GRM8: variants seen among roughly 807,000 people sequenced by gnomAD.
The protein encoded by GRM8 is glutamate metabotropic receptor 8.
In GRM8, 47 loss-of-function variants were observed where a neutral mutation model predicts 87.2. The ratio of observed to expected loss-of-function variants is 0.54; its 90% CI spans 0.43 to 0.69. The LOEUF is 0.69. Ranked by LOEUF, GRM8 falls within the 30% of genes least tolerant of loss-of-function variation. GRM8 has a pLI of 0.00. For synonymous variants in GRM8, 396 were observed against 404.5 expected (o/e 0.98, Z 0.25); for missense variants, 1,019 against 1,139.2 (o/e 0.89, Z 1.52).
At chr7:126,753,065 A>G (rs966281864) in intron 7 of GRM8, among the ~76,000 whole-genome samples, 31 of 152,172 alleles carry the variant, frequency 2.0e-4, no homozygotes, top group African/African-American at 7.2e-4. Context: ...ATGCAGATTT[A>G]GCAATTTTAA....
Position 126,829,549 on chromosome 7 carries a change from T to G in GRM8, c.1157-59484A>C, listed in dbSNP as rs1465033408. ...CCCCTGCCTTTTTTTGTTTTCCATT[T>G]GCTTGGTAGATCTTCCTCCATCCTT... On this transcript the variant is annotated intron_variant, in intron 6 of 10. Coordinates refer to ENST00000339582, the MANE Select transcript of GRM8 (RefSeq NM_000845.3). Among the ~76,000 whole-genome samples the G allele has an allele frequency of 5.3e-5, 8 of 150,246 alleles. No homozygotes were observed. In the South Asian group the frequency reaches 8.7e-4, roughly 16 times the overall value.
intron 8 of GRM8, among the ~76,000 whole-genome samples, chr7:126,608,285 C>A (rs1035954823): frequency 2.0e-5 from 3 of 152,102 alleles, no homozygotes; most frequent in Non-Finnish European, 2.9e-5. Context: ...GACCTCTGCC[C>A]TAAGAGAGCT....
At chr7:127,216,692 T>C (rs1796576069) in intron 2 of GRM8, among the ~76,000 whole-genome samples, 1 of 152,206 alleles carries the variant, frequency 6.6e-6, no homozygotes, top group South Asian at 2.1e-4. Context: ...AAGGAGGTCC[T>C]CCCAGATGTG....
chr7:127,063,196 T>C (rs972608168), intron 3 of GRM8, among the ~76,000 whole-genome samples: 5 of 151,838 alleles, frequency 3.3e-5, no homozygotes, highest in Admixed American at 6.6e-5. Flanking sequence ...GAGCTTGCAG[T>C]GAGCCGAGAT....
At chr7:126,871,289 T>C (rs1201445964) in intron 6 of GRM8, among the ~76,000 whole-genome samples, 2 of 152,212 alleles carry the variant, frequency 1.3e-5, no homozygotes, top group Non-Finnish European at 2.9e-5. Context: ...ATTATACTCA[T>C]TGTTCTGTGT....
intron 3 of GRM8, among the ~76,000 whole-genome samples, chr7:126,912,482 C>T (rs1684526526): frequency 6.6e-6 from 1 of 152,214 alleles, no homozygotes; most frequent in Admixed American, 6.5e-5. Flanking sequence ...TAAAACTTTT[C>T]ATCCTCCATA....
At chr7:126,956,637 C>G (rs1337815662) in intron 3 of GRM8, among the ~76,000 whole-genome samples, 1 of 152,184 alleles carries the variant, frequency 6.6e-6, no homozygotes, top group Non-Finnish European at 1.5e-5. Context: ...CCTCCCCTCT[C>G]CCCCTTAAAA....
intron 6 of GRM8, among the ~76,000 whole-genome samples, chr7:126,835,242 A>T (rs577684236): frequency 2.9e-4 from 44 of 152,202 alleles, no homozygotes; most frequent in Non-Finnish European, 4.0e-4. Flanking sequence ...AATAAAAATG[A>T]ATGTCTTCAT....
intron 6 of GRM8, among the ~76,000 whole-genome samples, chr7:126,817,045 C>A (rs1793854285): frequency 1.3e-5 from 2 of 152,020 alleles, no homozygotes; most frequent in South Asian, 4.1e-4. Context: ...TATCTAATAT[C>A]AATTTCTCAT....
chr7:126,693,416 A>T (rs754977628), intron 7 of GRM8, among the ~76,000 whole-genome samples: 4 of 152,242 alleles, frequency 2.6e-5, no homozygotes. Context: ...GTAATGAATT[A>T]GCATTCTTCT....
intron 7 of GRM8, among the ~76,000 whole-genome samples, chr7:126,763,951 G>C (rs921463419): frequency 1.3e-5 from 2 of 151,464 alleles, no homozygotes; most frequent in Admixed American, 6.6e-5. Context: ...CTTCAAACAG[G>C]TTCAATTTAT....
chr7:126,798,477 C>A (rs765895297), intron 6 of GRM8, among the ~76,000 whole-genome samples: 1 of 152,074 alleles, frequency 6.6e-6, no homozygotes, highest in Admixed American at 6.6e-5. Context: ...GTCCTTAAGG[C>A]CACACCCAGG....
chr7:127,195,963 A>G (rs1239329707), intron 2 of GRM8, among the ~76,000 whole-genome samples: 1 of 152,200 alleles, frequency 6.6e-6, no homozygotes, highest in Non-Finnish European at 1.5e-5. Context: ...TAAATAAATG[A>G]ATGGATGGAA....
At chr7:126,448,857 G>C (rs561275270) in intron 9 of GRM8, among the ~76,000 whole-genome samples, 2 of 151,906 alleles carry the variant, frequency 1.3e-5, no homozygotes, top group South Asian at 4.1e-4. Flanking sequence ...GAGACATAGA[G>C]GGGAACAACA....
intron 7 of GRM8, among the ~76,000 whole-genome samples, chr7:126,644,243 C>T (rs1289841193): frequency 6.6e-6 from 1 of 152,152 alleles, no homozygotes; most frequent in Non-Finnish European, 1.5e-5. Flanking sequence ...AAGTTTGAAT[C>T]ATAAATGCCT....
At chr7:126,873,852 A>T (rs1277841296) in intron 6 of GRM8, among the ~76,000 whole-genome samples, 2 of 152,116 alleles carry the variant, frequency 1.3e-5, no homozygotes, top group Non-Finnish European at 2.9e-5. Flanking sequence ...AATGCATAAA[A>T]AGTCTGCTAA....
At chr7:126,798,031 A>T (rs1822169684) in intron 6 of GRM8, among the ~76,000 whole-genome samples, 1 of 152,124 alleles carries the variant, frequency 6.6e-6, no homozygotes, top group Non-Finnish European at 1.5e-5. Context: ...CCTCTAAGAG[A>T]AGGGCCAAAT....
intron 6 of GRM8, among the ~76,000 whole-genome samples, chr7:126,880,970 A>G (rs530868362): frequency 3.9e-5 from 6 of 152,308 alleles, no homozygotes; most frequent in African/African-American, 1.4e-4. Context: ...CAGATTCCCT[A>G]TTAAGAAGAA....
At chr7:126,607,772 C>T (rs1175924512) in intron 8 of GRM8, among the ~76,000 whole-genome samples, 3 of 151,878 alleles carry the variant, frequency 2.0e-5, no homozygotes, top group African/African-American at 7.2e-5. Flanking sequence ...TATGTATACA[C>T]GTGCCATGCT....
Sources: allele counts gnomAD v4.1 joint callset (sites outside exome capture counted in the v4.1 genomes callset), GRCh38; gene constraint gnomAD v4.1.1; transcripts MANE v1.5; gene names NCBI Gene and HGNC (gene_info 2026-07-23, HGNC 2026-07-21).